Variants in MROH9 observed in about 807,000 individuals in gnomAD.
MROH9 encodes maestro heat-like repeat-containing protein family member 9.
A neutral mutation model predicts 98.2 loss-of-function variants in MROH9; 92 were observed. The ratio of observed to expected loss-of-function variants is 0.94; its 90% CI spans 0.79 to 1.11. MROH9 has a LOEUF of 1.11. Ranked by LOEUF, MROH9 falls within the 50% of genes most tolerant of loss-of-function variation. The pLI is 0.00. For synonymous variants in MROH9, 397 were observed against 368.9 expected, an observed-to-expected ratio of 1.08 and a Z score of -0.87; for missense variants, 1,057 against 1,014.8, an observed-to-expected ratio of 1.04 and a Z score of -0.57.
At chr1:170,989,454 G>A (rs1028611240) in intron 10 of MROH9, among the ~76,000 whole-genome samples, 11 of 152,226 alleles carry the variant, frequency 7.2e-5, no homozygotes, top group Middle Eastern at 3.4e-3. Context: ...GATTCAAATC[G>A]TCTTTAACTT....
chr1:171,010,901 C>G (rs1652127953), intron 15 of MROH9, among the ~76,000 whole-genome samples: 1 of 152,068 alleles, frequency 6.6e-6, no homozygotes, highest in Non-Finnish European at 1.5e-5. Flanking sequence ...GTTGCCTGTT[C>G]ACTCTGATGA....
chr1:170,986,473 C>G, intron 9 of MROH9, 88 bp from the exon 10 acceptor site: 1 of 1,436,878 alleles, frequency 7.0e-7, no homozygotes, highest in South Asian at 1.4e-5. Flanking sequence ...CTGCTTGGCT[C>G]TTGAGCATCC....
intron 17 of MROH9, 65 bp from the exon 18 acceptor site, chr1:171,024,330 G>GTGTGTGTA: frequency 3.5e-6 from 4 of 1,143,488 alleles, no homozygotes; most frequent in African/African-American, 1.6e-5. Context: ...GTGTGTGTGT[G>GTGTGTGTA]TAGATTACTG....
chr1:171,042,274 A>T (rs1653333412), intron 20 of MROH9, among the ~76,000 whole-genome samples: 1 of 152,134 alleles, frequency 6.6e-6, no homozygotes. Flanking sequence ...TTCACTTAAA[A>T]TAATGATCCT....
chr1:170,950,976 C>T (rs909326814), intron 3 of MROH9, among the ~76,000 whole-genome samples: 1 of 151,902 alleles, frequency 6.6e-6, no homozygotes, highest in Non-Finnish European at 1.5e-5. Context: ...CTCTAAGCCA[C>T]TGAAAATCCC....
chr1:171,061,986 C>T, intron 20 of MROH9, 146 bp from the exon 21 acceptor site: 1 of 605,088 alleles, frequency 1.7e-6, no homozygotes, highest in Non-Finnish European at 2.9e-6. Flanking sequence ...TTTTATGAGA[C>T]AATAATTAAA....
At chr1:171,011,878 T>C (rs756636100) in intron 15 of MROH9, among the ~76,000 whole-genome samples, 1 of 149,594 alleles carries the variant, frequency 6.7e-6, no homozygotes, top group Non-Finnish European at 1.5e-5. Flanking sequence ...TTATTAATTC[T>C]ATTGTTTTTT....
chr1:170,986,097 G>A (rs1260689065), intron 9 of MROH9, among the ~76,000 whole-genome samples: 1 of 152,132 alleles, frequency 6.6e-6, no homozygotes, highest in Non-Finnish European at 1.5e-5. Context: ...TTGAATTGTA[G>A]TTCTTGCACC....
At chr1:171,011,255 T>C (rs80338403) in intron 15 of MROH9, among the ~76,000 whole-genome samples, 2,054 of 152,106 alleles carry the variant, frequency 0.014, 33 homozygotes, top group African/African-American at 0.047. Flanking sequence ...TCCAGAAAAA[T>C]CATCAATAGA....
chr1:171,029,641 C>T (rs7885359), intron 20 of MROH9, among the ~76,000 whole-genome samples: 4,499 of 152,186 alleles, frequency 0.03, 229 homozygotes, highest in African/African-American at 0.1. Flanking sequence ...GCAGGGATGA[C>T]GCTGAACCGA....
chr1:171,062,688 T>C (rs114987827), intron 21 of MROH9, among the ~76,000 whole-genome samples: 1,855 of 152,336 alleles, frequency 0.012, 19 homozygotes, highest in Middle Eastern at 0.027. Context: ...TATCAAAATG[T>C]TTGGGTCTTA....
intron 8 of MROH9, among the ~76,000 whole-genome samples, chr1:170,982,888 C>T (rs566458556): frequency 2.0e-5 from 3 of 152,046 alleles, no homozygotes; most frequent in Admixed American, 6.6e-5. Flanking sequence ...GAGCAAGATC[C>T]GGGCTCAAAA....
At chr1:171,062,220 C>A in intron 21 of MROH9, 26 bp downstream of exon 21, 4 of 1,458,458 alleles carry the variant, frequency 2.7e-6, no homozygotes, top group Admixed American at 2.0e-5. Flanking sequence ...ATAACAAAAT[C>A]TTTATGCATA....
intron 20 of MROH9, among the ~76,000 whole-genome samples, chr1:171,032,461 T>C (rs1652953652): frequency 6.6e-6 from 1 of 152,186 alleles, no homozygotes; most frequent in South Asian, 2.1e-4. Flanking sequence ...GGGGTTTTTG[T>C]GGGGGCTTTT....
At chr1:171,043,505 T>C (rs1010269479) in intron 20 of MROH9, among the ~76,000 whole-genome samples, 2 of 152,106 alleles carry the variant, frequency 1.3e-5, no homozygotes, top group African/African-American at 4.8e-5. Context: ...ATTTTCTATT[T>C]ATATAAAGAA....
chr1:171,002,784 T>G (rs190227514), intron 15 of MROH9, among the ~76,000 whole-genome samples: 1 of 152,338 alleles, frequency 6.6e-6, no homozygotes, highest in East Asian at 1.9e-4. Context: ...GCTTCTTCTA[T>G]CTGCATGTCG....
Position 170,961,917 on chromosome 1 carries a change from T to C in MROH9, c.316T>C (p.Tyr106His). ...TTTATACCACAATATTTTAAATATA[T>C]ATGAGAACATTCTTACGAGCTTGGT... The part of the protein sequence containing the change: ...ENLYHNILNI[Y>H]ENILTSLVSK... The change falls in exon 6 of 22, where the codon TAT becomes CAT. Residue 106 changes from tyrosine to histidine, a missense_variant. Tyr to His is a moderately conservative substitution (Grantham distance 83). Transcript: ENST00000367759. 3 of 1,528,400 alleles carry C rather than the reference T, an allele frequency of 2.0e-6. No homozygotes were observed. The highest frequency in any genetic ancestry group is 2.7e-6 in the Non-Finnish European group (3 of 1,127,768). 94.7% of individuals were successfully genotyped at this position (1,528,400 alleles called of 1,614,324 possible).
intron 20 of MROH9, among the ~76,000 whole-genome samples, chr1:171,037,387 G>A (rs1014108192): frequency 6.0e-5 from 9 of 150,012 alleles, no homozygotes; most frequent in African/African-American, 1.7e-4. Context: ...AGGAAGGGAG[G>A]TCTAAAAATA....
At chr1:171,016,497 T>G (rs532141754) in intron 17 of MROH9, among the ~76,000 whole-genome samples, 161 bp downstream of exon 17, 58 of 152,236 alleles carry the variant, frequency 3.8e-4, no homozygotes, top group African/African-American at 1.2e-3. Context: ...GTCTTTTTTT[T>G]TTTTAAGTAC....
Sources: gnomAD v4.1 joint callset for allele counts (sites outside exome capture counted in the v4.1 genomes callset) on GRCh38, gnomAD v4.1.1 for gene constraint, MANE v1.5 for transcripts, NCBI Gene and HGNC (gene_info 2026-07-23, HGNC 2026-07-21) for gene names.